RASAL2: variants seen among roughly 807,000 people sequenced by gnomAD.
The protein encoded by RASAL2 is RAS protein activator like 2.
RASAL2 carries 58 observed loss-of-function variants against 128.9 expected under a neutral mutation model. That is an observed-to-expected ratio of 0.45 (90% CI 0.36 to 0.56). RASAL2 has a LOEUF of 0.56. Ranked by LOEUF, RASAL2 falls within the 20% of genes least tolerant of loss-of-function variation. RASAL2 has a pLI of 0.00. For synonymous variants in RASAL2, 561 were observed against 580.8 expected, an observed-to-expected ratio of 0.97 and a Z score of 0.49; for missense variants, 1,360 against 1,601.6, an observed-to-expected ratio of 0.85 and a Z score of 2.57.
chr1:178,216,464 C>T (rs995814209), intron 1 of RASAL2, among the ~76,000 whole-genome samples: 1 of 152,124 alleles, frequency 6.6e-6, no homozygotes, highest in Non-Finnish European at 1.5e-5. Flanking sequence ...TTAGAGAATG[C>T]AATTATTTGG....
chr1:178,465,979 G>A lies in RASAL2; in HGVS notation c.3447G>A (p.Glu1149=). The part of the protein sequence containing the change: ...ERLRVSSRRL[E]EYERRLLVQE... ...TGAGAGTTTCCAGCCGGCGACTGGA[G>A]GAATATGAACGCCGCTTGCTGGTGC... Residue 1149 remains glutamate, a synonymous_variant, in exon 16 of 18, where the codon GAG becomes GAA. Transcript: ENST00000367649. 1.9e-6 allele frequency: 3 copies of A among 1,558,026 alleles called. No homozygotes were observed. Among genetic ancestry groups the A allele is most frequent in the Non-Finnish European group, 2.6e-6 (3 of 1,149,958 alleles).
intron 1 of RASAL2, among the ~76,000 whole-genome samples, chr1:178,132,821 T>G (rs1254007029): frequency 6.7e-6 from 1 of 149,042 alleles, no homozygotes; most frequent in Non-Finnish European, 1.5e-5. Flanking sequence ...CAGGTTGGAG[T>G]GCAGTGGTGT....
chr1:178,439,852 A>G (rs758727374), intron 6 of RASAL2, among the ~76,000 whole-genome samples: 3 of 152,100 alleles, frequency 2.0e-5, no homozygotes, highest in Admixed American at 1.3e-4. Flanking sequence ...CAAGACTAAC[A>G]ATAACATTAC....
intron 1 of RASAL2, among the ~76,000 whole-genome samples, chr1:178,163,607 A>G (rs1396874480): frequency 6.6e-6 from 1 of 152,140 alleles, no homozygotes; most frequent in Admixed American, 6.6e-5. Flanking sequence ...TTGCTCACAA[A>G]TTTATGAGTT....
chr1:178,442,656 C>A lies in RASAL2; in HGVS notation c.928-19C>A. Reference sequence around the variant, plus strand: ...CTGCAATGTCAGCTCTGAAATTCAGCTTTGTTGCCTCTTTATAGGACAATT... The same window carrying A: ...CTGCAATGTCAGCTCTGAAATTCAGATTTGTTGCCTCTTTATAGGACAATT... On this transcript the variant is annotated intron_variant, in intron 7 of 17. Coordinates refer to ENST00000367649, the MANE Select transcript of RASAL2 (RefSeq NM_170692.4). 2 of 1,558,322 alleles carry A rather than the reference C, an allele frequency of 1.3e-6. No homozygotes were observed. The highest frequency in any genetic ancestry group is 8.6e-7 in the Non-Finnish European group (1 of 1,157,306).
intron 1 of RASAL2, among the ~76,000 whole-genome samples, chr1:178,233,430 A>G (rs1664092643): frequency 6.6e-6 from 1 of 152,156 alleles, no homozygotes; most frequent in South Asian, 2.1e-4. Context: ...AAGCAAGAGG[A>G]AGAAAAATGA....
chr1:178,456,355 C>T (rs1230760653), intron 12 of RASAL2: 2 of 276,770 alleles, frequency 7.2e-6, no homozygotes, highest in African/African-American at 2.1e-5. Context: ...TGCCTCCACC[C>T]TCCCCCACCT....
intron 1 of RASAL2, among the ~76,000 whole-genome samples, chr1:178,096,219 C>CA (rs1357800408): frequency 2.0e-5 from 3 of 152,180 alleles, no homozygotes; most frequent in Admixed American, 1.3e-4. Flanking sequence ...CCCATTCTAT[C>CA]ATCTTTCTCT....
chr1:178,375,093 T>C (rs1431105751), intron 3 of RASAL2, among the ~76,000 whole-genome samples: 3 of 152,118 alleles, frequency 2.0e-5, no homozygotes, highest in African/African-American at 7.2e-5. Context: ...CTTTGGGAGT[T>C]TGAAGAAGAG....
chr1:178,339,314 A>G (rs1258473344), intron 3 of RASAL2, among the ~76,000 whole-genome samples: 2 of 152,224 alleles, frequency 1.3e-5, no homozygotes, highest in Non-Finnish European at 2.9e-5. Context: ...TTCTAAGAGT[A>G]ATTTCTACTT....
chr1:178,336,764 A>G (rs1241498484), intron 3 of RASAL2, among the ~76,000 whole-genome samples: 1 of 152,136 alleles, frequency 6.6e-6, no homozygotes, highest in Non-Finnish European at 1.5e-5. Context: ...CTCTGAGCAT[A>G]TTCAGAGATA....
intron 1 of RASAL2, among the ~76,000 whole-genome samples, chr1:178,201,617 C>A (rs1303215538): frequency 6.6e-6 from 1 of 152,106 alleles, no homozygotes; most frequent in Non-Finnish European, 1.5e-5. Flanking sequence ...TGGCAGGGGC[C>A]AAGTGGTGGC....
At chr1:178,209,513 C>T (rs562383620) in intron 1 of RASAL2, among the ~76,000 whole-genome samples, 1 of 152,122 alleles carries the variant, frequency 6.6e-6, no homozygotes, top group East Asian at 1.9e-4. Context: ...ATATAGGTGA[C>T]CTTTATATTC....
At chr1:178,431,421 A>G (rs1376908663) in intron 5 of RASAL2, among the ~76,000 whole-genome samples, 1 of 152,098 alleles carries the variant, frequency 6.6e-6, no homozygotes, top group African/African-American at 2.4e-5. Context: ...AACAGGCAAA[A>G]GATTTTGAAG....
Position 178,454,502 on chromosome 1 carries a change from T to C in RASAL2, c.2065T>C (p.Trp689Arg). ...CATGAATGATTTTTTAGAACATGAA[T>C]GGGGTGGAATGAAGCGCTTTCTTTT... is the stretch of plus-strand genomic sequence containing the variant. ...AFMNDFLEHE[W>R]GGMKRFLLEI... The change falls in exon 12 of 18, where the codon TGG (tryptophan) becomes CGG (arginine). Residue 689 changes from tryptophan (W) to arginine (R), a missense_variant. By Grantham distance (101) the Trp-to-Arg change is moderately radical. Around this residue, in one of 3 missense-constraint regions of RASAL2, gnomAD observed 741 missense variants for 868.6 expected, o/e 0.85. Coordinates refer to ENST00000367649, the MANE Select transcript of RASAL2 (RefSeq NM_170692.4). 1 of 1,613,690 alleles carries C rather than the reference T, an allele frequency of 6.2e-7. No homozygotes were observed. The highest frequency in any genetic ancestry group is 8.5e-7 in the Non-Finnish European group (1 of 1,179,638).
chr1:178,232,018 A>G (rs888911597), intron 1 of RASAL2, among the ~76,000 whole-genome samples: 1 of 152,228 alleles, frequency 6.6e-6, no homozygotes, highest in Non-Finnish European at 1.5e-5. Flanking sequence ...GACCATAATA[A>G]GAAAAAGACT....
chr1:178,244,440 A>G (rs1344382754), intron 1 of RASAL2, among the ~76,000 whole-genome samples: 2 of 151,970 alleles, frequency 1.3e-5, no homozygotes, highest in Non-Finnish European at 2.9e-5. Flanking sequence ...ATGGGGTTTC[A>G]CCATATTGGT....
At chr1:178,176,063 AG>A (rs1661880445) in intron 1 of RASAL2, among the ~76,000 whole-genome samples, 1 of 152,168 alleles carries the variant, frequency 6.6e-6, no homozygotes, top group African/African-American at 2.4e-5. Context: ...TCCTTTGGGT[AG>A]ATACCCAGTT....
At chr1:178,320,812 C>T (rs1465468788) in intron 3 of RASAL2, among the ~76,000 whole-genome samples, 1 of 152,200 alleles carries the variant, frequency 6.6e-6, no homozygotes, top group Non-Finnish European at 1.5e-5. Context: ...CATCTTGGCT[C>T]CTCCCCTCAC....
Sources: allele counts gnomAD v4.1 joint callset (sites outside exome capture counted in the v4.1 genomes callset), GRCh38; gene constraint gnomAD v4.1.1; regional missense constraint gnomAD v4.1.1; transcripts MANE v1.5; gene names NCBI Gene and HGNC (gene_info 2026-07-23, HGNC 2026-07-21).